The following DNAH8 variants were observed in gnomAD, a reference collection of about 807,000 sequenced individuals.
The protein encoded by DNAH8 is axonemal beta dynein heavy chain 8.
A neutral mutation model predicts 562.1 loss-of-function variants in DNAH8; 382 were observed. The ratio of observed to expected loss-of-function variants is 0.68; its 90% CI spans 0.63 to 0.74. The LOEUF is 0.74. DNAH8 is among the 30% of genes least tolerant of loss of function. DNAH8 has a pLI of 0.00. For synonymous variants in DNAH8, 1,881 were observed against 1,919.4 expected, an observed-to-expected ratio of 0.98 and a Z score of 0.52; for missense variants, 5,203 against 5,620.4, an observed-to-expected ratio of 0.93 and a Z score of 2.37.
rs766565382 is a variant in DNAH8, at chr6:38,863,828, A to G, written c.6311-45A>G. 1.1e-5 allele frequency: 16 copies of G among 1,476,664 alleles called. No homozygotes were observed. The African/African-American group carries it at 2.0e-4, about 18-fold the overall frequency. The allele number at this position is 1,476,664 out of a possible 1,614,324, so 91.5% of individuals were successfully genotyped here. The stretch of plus-strand genomic sequence containing the variant: ...GAGAAATGATTGTTATCAAGAAGGT[A>G]TATTATAGAGTAAAACTTTACAAAT... On this transcript the variant is annotated intron_variant, in intron 44 of 92. Transcript: ENST00000327475.
intron 56 of DNAH8, among the ~76,000 whole-genome samples, chr6:38,885,722 A>G (rs1778867207): frequency 6.6e-6 from 1 of 152,196 alleles, no homozygotes; most frequent in Non-Finnish European, 1.5e-5. Context: ...TCCCCTAGGT[A>G]TCGAACTGGC....
intron 88 of DNAH8, among the ~76,000 whole-genome samples, chr6:39,001,291 T>A (rs1452146932): frequency 6.6e-6 from 1 of 152,006 alleles, no homozygotes; most frequent in East Asian, 1.9e-4. Context: ...TACAGAGATT[T>A]AAGCCTTTTC....
In DNAH8 at chr6:38,866,574, CAT is replaced by C. The variant is rs1777046182; in HGVS notation, c.6499-14_6499-13del. The C allele has an allele frequency of 6.4e-7, 1 of 1,554,872 alleles. No individual in the cohort carries two copies. ...ATTGTTTTAGCAATTAAAAATTAAA[CAT>C]ATTTTAACTTTTAGAACCCTGGATA... is the stretch of plus-strand genomic sequence containing the variant. On this transcript the variant is annotated splice_polypyrimidine_tract_variant and intron_variant, in intron 45 of 92. Coordinates refer to ENST00000327475, the MANE Select transcript of DNAH8 (RefSeq NM_001206927.2).
chr6:38,783,262 A>G, intron 17 of DNAH8, 123 bp downstream of exon 17: 4 of 773,172 alleles, frequency 5.2e-6, no homozygotes, highest in Non-Finnish European at 8.0e-6. Flanking sequence ...ATTTAGATTT[A>G]GGGATGCTAC....
intron 92 of DNAH8, among the ~76,000 whole-genome samples, chr6:39,028,679 A>G (rs748162560): frequency 3.3e-5 from 5 of 152,188 alleles, no homozygotes; most frequent in Non-Finnish European, 7.3e-5. Context: ...ACACCTTCTC[A>G]CTGACTTTTT....
rs185808824 is a variant in DNAH8, at chr6:38,755,826, A to G, written c.1408-146A>G. 1,342 of 586,728 alleles carry G rather than the reference A, an allele frequency of 2.3e-3. 2 individuals are homozygous for G. The highest frequency in any genetic ancestry group is 2.9e-3 in the Admixed American group (96 of 33,468). The allele number at this position is 586,728 out of a possible 1,614,324, so 36.3% of individuals were successfully genotyped here. On this transcript the variant is annotated intron_variant, in intron 9 of 92. Transcript: ENST00000327475. ...TATCTGTTCCAGGGTCTAGTCTAGAATACTGCATTGGATTTAGTAAAATTT... is the reference window on the plus strand; with the variant it reads ...TATCTGTTCCAGGGTCTAGTCTAGAGTACTGCATTGGATTTAGTAAAATTT...
chr6:38,837,591 G>A (rs1397817694), intron 32 of DNAH8, among the ~76,000 whole-genome samples: 3 of 152,208 alleles, frequency 2.0e-5, no homozygotes, highest in African/African-American at 7.2e-5. Context: ...CTGTAGGATA[G>A]AGATGGCCAG....
chr6:38,838,143 A>G (rs753779708), intron 33 of DNAH8, 101 bp downstream of exon 33: 123 of 716,002 alleles, frequency 1.7e-4, no homozygotes, highest in Non-Finnish European at 2.6e-4. Flanking sequence ...AGAGGACACT[A>G]CAGCTTGGAG....
chr6:38,832,557 A>G, intron 31 of DNAH8, 122 bp downstream of exon 31: 1 of 591,298 alleles, frequency 1.7e-6, no homozygotes, highest in Non-Finnish European at 3.0e-6. Context: ...GCGTATTTGC[A>G]GCTATCAGAA....
chr6:39,026,598 A>G lies in DNAH8; in HGVS notation c.13767A>G (p.Ala4589=), dbSNP rs1767304471. Residue 4589 remains alanine (A), a synonymous_variant, in exon 92 of 93, where the codon GCA becomes GCG. Transcript: ENST00000327475. ...TGACCCGTGCCCACAAAGGCTGGGC[A>G]CTGGACACTGTGACCATCCACAATG... ...QEVTRAHKGW[A]LDTVTIHNEV... is the part of the protein sequence containing the mutation. The G allele has an allele frequency of 6.2e-7, 1 of 1,613,450 alleles. No individual in the cohort carries two copies. Among genetic ancestry groups the G allele is most frequent in the Admixed American group, 1.7e-5 (1 of 60,008 alleles).
rs1286363956 is a variant in DNAH8, at chr6:38,982,331, T to C, written c.12835-15T>C. The C allele has an allele frequency of 2.5e-6, 3 of 1,207,822 alleles. No homozygotes were observed. The highest frequency in any genetic ancestry group is 2.3e-5 in the East Asian group (1 of 42,886). The allele number at this position is 1,207,822 out of a possible 1,614,324, so 74.8% of individuals were successfully genotyped here. ...CAGGTACATGCAATACTTACTTTTC[T>C]TTGGTGTTTTTAAGGAGCGACGAAA... On this transcript the variant is annotated splice_polypyrimidine_tract_variant and intron_variant, in intron 85 of 92. Coordinates refer to ENST00000327475, the MANE Select transcript of DNAH8 (RefSeq NM_001206927.2).
At chr6:38,744,469 T>C (rs1764767796) in intron 8 of DNAH8, 1 of 152,202 alleles carries the variant, frequency 6.6e-6, no homozygotes. Context: ...TCCTTGTTAG[T>C]AGTGAAGTTG....
chr6:38,929,455 T>G (rs1782363827), intron 74 of DNAH8, 56 bp from the exon 75 acceptor site: 28 of 1,448,280 alleles, frequency 1.9e-5, no homozygotes, highest in Non-Finnish European at 2.5e-5. Flanking sequence ...CGGTTTCCCT[T>G]AGCAATGGGC....
chr6:38,907,007 A>G (rs1476049874), intron 63 of DNAH8, among the ~76,000 whole-genome samples: 1 of 152,228 alleles, frequency 6.6e-6, no homozygotes, highest in Non-Finnish European at 1.5e-5. Flanking sequence ...AGTGAAATGC[A>G]AACATTCCAA....
intron 53 of DNAH8, among the ~76,000 whole-genome samples, chr6:38,881,752 C>T (rs930416976): frequency 2.0e-5 from 3 of 152,018 alleles, no homozygotes; most frequent in African/African-American, 4.8e-5. Flanking sequence ...GGTTTCTCCA[C>T]GTTGGTCAGG....
chr6:38,827,533 C>T (rs1773445738), intron 29 of DNAH8, among the ~76,000 whole-genome samples: 1 of 151,730 alleles, frequency 6.6e-6, no homozygotes, highest in Non-Finnish European at 1.5e-5. Context: ...TTTATGGTAC[C>T]CAATATTTAT....
At chr6:39,004,161 A>T (rs1325849179) in intron 88 of DNAH8, among the ~76,000 whole-genome samples, 1 of 152,194 alleles carries the variant, frequency 6.6e-6, no homozygotes, top group Non-Finnish European at 1.5e-5. Context: ...GAATTGCTTG[A>T]GCCCAAGAGT....
chr6:38,990,278 T>G (rs1764693007), intron 88 of DNAH8, 106 bp downstream of exon 88: 3 of 784,516 alleles, frequency 3.8e-6, no homozygotes, highest in Non-Finnish European at 6.1e-6. Flanking sequence ...CCCCCTTTTT[T>G]TATTTTACTG....
intron 10 of DNAH8, among the ~76,000 whole-genome samples, chr6:38,756,310 C>T (rs1765901673): frequency 6.6e-6 from 1 of 151,944 alleles, no homozygotes; most frequent in Non-Finnish European, 1.5e-5. Context: ...AGAAAATGTG[C>T]CTGGTGGTTT....
Sources: allele counts gnomAD v4.1 joint callset (sites outside exome capture counted in the v4.1 genomes callset), GRCh38; gene constraint gnomAD v4.1.1; transcripts MANE v1.5; gene names NCBI Gene and HGNC (gene_info 2026-07-23, HGNC 2026-07-21).